ERCC2: variants seen among roughly 807,000 people sequenced by gnomAD.
ERCC2 encodes the protein ERCC excision repair 2, TFIIH core complex helicase subunit, also known as general transcription and DNA repair factor IIH helicase subunit XPD.
In ERCC2, 90 loss-of-function variants were observed where a neutral mutation model predicts 99.4. That is an observed-to-expected ratio of 0.91 (90% CI 0.76 to 1.08). ERCC2 has a LOEUF of 1.08. Among genes scored for constraint, ERCC2 ranks in the 50% least tolerant of loss-of-function variants. The pLI, the probability that ERCC2 is intolerant of heterozygous loss-of-function variation, is 0.00. For missense variants in ERCC2, 993 were observed against 1,038.1 expected, an observed-to-expected ratio of 0.96 and a Z score of 0.60; for synonymous variants, 497 against 432.4, an observed-to-expected ratio of 1.15 and a Z score of -1.85.
chr19:45,367,429 ATATG>A (rs751791345), intron 5 of ERCC2, among the ~76,000 whole-genome samples: 12 of 152,168 alleles, frequency 7.9e-5, no homozygotes, highest in African/African-American at 2.4e-4. Context: ...ACACACATAT[ATATG>A]TAAGTATAAT....
At chr19:45,367,317 AGAGT>A (rs1972454358) in intron 5 of ERCC2, among the ~76,000 whole-genome samples, 1 of 151,996 alleles carries the variant, frequency 6.6e-6, no homozygotes, top group South Asian at 2.1e-4. Flanking sequence ...GCTGGGTGAC[AGAGT>A]GAGACTCCGT....
chr19:45,355,619 C>T (rs752951313), intron 16 of ERCC2, 46 bp downstream of exon 16: 2 of 1,522,326 alleles, frequency 1.3e-6, no homozygotes, highest in African/African-American at 2.7e-5. Context: ...GACTGATACA[C>T]CTCCCCTCTT....
At chr19:45,357,888 T>C (rs1274114052) in intron 12 of ERCC2, 189 bp from the exon 13 acceptor site, 2 of 642,454 alleles carry the variant, frequency 3.1e-6, no homozygotes, top group South Asian at 3.5e-5. Flanking sequence ...CACCCCAACC[T>C]GTCCGCTTCG....
In ERCC2 at chr19:45,351,094, G is replaced by C. The variant is rs752696030; in HGVS notation, c.*535C>G. 2 of 1,611,068 alleles carry C rather than the reference G, an allele frequency of 1.2e-6. No homozygotes were observed. Among genetic ancestry groups the C allele is most frequent in the Admixed American group, 1.7e-5 (1 of 59,642 alleles). The stretch of plus-strand genomic sequence containing the variant: ...GAGATGAGGCAAAGGCAGGGCGGTC[G>C]GGCCAGTGGTGGAGTCAGCAGGTGG... On this transcript the variant is annotated 3_prime_UTR_variant, in exon 23 of 23. Coordinates refer to ENST00000391945, the MANE Select transcript of ERCC2 (RefSeq NM_000400.4).
chr19:45,368,923 A>C lies in ERCC2; in HGVS notation c.246+7T>G. 6.2e-7 allele frequency: 1 copy of C among 1,614,162 alleles called. No individual in the cohort carries two copies. Among genetic ancestry groups the C allele is most frequent in the Non-Finnish European group, 8.5e-7 (1 of 1,179,976 alleles). On this transcript the variant is annotated splice_region_variant and intron_variant, in intron 4 of 22. Transcript: ENST00000391945. ...GGGCTGGAGCACCAGGATGAGTCCC[A>C]GCTTACCTTCTCAATCTCTGGCACA...
At position 45,351,569 on chromosome 19, in the gene ERCC2, A is replaced by C. The variant is rs1401982648; in HGVS notation, c.*60T>G. The C allele has an allele frequency of 6.2e-7, 1 of 1,610,354 alleles. No homozygotes were observed. Among genetic ancestry groups the C allele is most frequent in the South Asian group, 1.1e-5 (1 of 91,066 alleles). On this transcript the variant is annotated 3_prime_UTR_variant, in exon 23 of 23. Coordinates refer to ENST00000391945, the MANE Select transcript of ERCC2 (RefSeq NM_000400.4). ...CCTTCTAGCACCACCGCCGCTGGGA[A>C]CCAGGGCCAGGCAAGACTCAGGAGT...
chr19:45,352,420 A>C, intron 21 of ERCC2, 68 bp from the exon 22 acceptor site: 1 of 1,613,772 alleles, frequency 6.2e-7, no homozygotes. Flanking sequence ...TCCACCCTGC[A>C]ACCCACCCCA....
rs535325544 is a variant in ERCC2 at position 45,359,824 on chromosome 19, A to G, written c.1237+1700T>C. Among the ~76,000 whole-genome samples, 14 of 151,190 alleles carry G rather than the reference A, an allele frequency of 9.3e-5. No individual in the cohort carries two copies. In the South Asian group the frequency reaches 2.7e-3, roughly 29 times the overall value. ...AGACTCTCATTTTCACCCAGGCTGG[A>G]GTGCAGCTGGTGTGATCTCGGCTCA... On this transcript the variant is annotated intron_variant, in intron 12 of 22. Coordinates refer to ENST00000391945, the MANE Select transcript of ERCC2 (RefSeq NM_000400.4).
chr19:45,366,105 G>A (rs189534255), intron 5 of ERCC2, among the ~76,000 whole-genome samples: 2 of 152,042 alleles, frequency 1.3e-5, no homozygotes, highest in Non-Finnish European at 2.9e-5. Flanking sequence ...CCAAAGTGCT[G>A]GGATTACAGG....
At chr19:45,363,679 G>A (rs1247421389) in intron 11 of ERCC2, 64 bp downstream of exon 11, 3 of 1,485,630 alleles carry the variant, frequency 2.0e-6, no homozygotes, top group East Asian at 2.5e-5. Flanking sequence ...CAGGCGTGGA[G>A]GACACGGCTC....
intron 13 of ERCC2, 40 bp from the exon 14 acceptor site, chr19:45,357,583 G>T: frequency 1.9e-6 from 3 of 1,613,204 alleles, no homozygotes; most frequent in Non-Finnish European, 2.5e-6. Context: ...GGGGGGCTGG[G>T]CCCCCGACCC....
rs1037717813 is a variant in ERCC2, at chr19:45,351,454, T to A, written c.*175A>T. The stretch of plus-strand genomic sequence containing the variant: ...GGGTCTATCATCTCCTGGCCCCCCC[T>A]TGCCTCTGGGTACCTGGTGGATAGC... On this transcript the variant is annotated 3_prime_UTR_variant, in exon 23 of 23. Transcript: ENST00000391945. The A allele has an allele frequency of 1.4e-5, 22 of 1,583,034 alleles. 1 individual carries two copies. The South Asian group carries it at 2.1e-4, about 15-fold the overall frequency.
rs770807976 is a variant in ERCC2, at chr19:45,352,253, C to T, written c.2146G>A (p.Val716Met). Reference sequence around the variant, plus strand: ...ATCTGCCGCAGGAAGTACTTGGCCACCTGGACACCCTCGTCCACGGTCAGG... The same window carrying T: ...ATCTGCCGCAGGAAGTACTTGGCCATCTGGACACCCTCGTCCACGGTCAGG... ...LNLTVDEGVQ[V>M]AKYFLRQMAQ... is the part of the protein sequence containing the mutation. Residue 716 changes from valine to methionine, a missense_variant, in exon 22 of 23, where the codon GTG becomes ATG. Physicochemically the swap from Val to Met is conservative, Grantham distance 21 (BLOSUM62 1). Coordinates refer to ENST00000391945, the MANE Select transcript of ERCC2 (RefSeq NM_000400.4). 1.9e-6 allele frequency: 3 copies of T among 1,614,070 alleles called. No homozygotes were observed. Among genetic ancestry groups the T allele is most frequent in the East Asian group, 4.5e-5 (2 of 44,890 alleles).
At position 45,351,584 on chromosome 19, in the gene ERCC2, G is replaced by C. The variant is rs1268556601; in HGVS notation, c.*45C>G. ...GCCGCTGGGAACCAGGGCCAGGCAA[G>C]ACTCAGGAGTCACCAGGAACCGTTT... is the stretch of plus-strand genomic sequence containing the variant. On this transcript the variant is annotated 3_prime_UTR_variant, in exon 23 of 23. Coordinates refer to ENST00000391945, the MANE Select transcript of ERCC2 (RefSeq NM_000400.4). 6.2e-7 allele frequency: 1 copy of C among 1,611,858 alleles called. No homozygotes were observed. Among genetic ancestry groups the C allele is most frequent in the East Asian group, 2.2e-5 (1 of 44,882 alleles).
rs1294212041 is a variant in ERCC2, at chr19:45,351,168, C to T, written c.*461G>A. 12 of 1,587,938 alleles carry T rather than the reference C, an allele frequency of 7.6e-6. No homozygotes were observed. Among genetic ancestry groups the T allele is most frequent in the African/African-American group, 2.7e-5 (2 of 74,424 alleles). ...AGGACAGGAGCAAAGATGGGTTTTACTTGGGGTAGAGGCGAGGGGGTTGGA... is the reference window on the plus strand; with the variant it reads ...AGGACAGGAGCAAAGATGGGTTTTATTTGGGGTAGAGGCGAGGGGGTTGGA... On this transcript the variant is annotated 3_prime_UTR_variant, in exon 23 of 23. Transcript: ENST00000391945.
chr19:45,361,723 G>T, intron 11 of ERCC2, 81 bp from the exon 12 acceptor site: 1 of 1,050,074 alleles, frequency 9.5e-7, no homozygotes, highest in Non-Finnish European at 1.5e-6. Flanking sequence ...CATCACGACG[G>T]TCACGTGCCT....
Position 45,351,446 on chromosome 19 carries a change from GCC to G in ERCC2, c.*181_*182del, listed in dbSNP as rs894183102. 14 of 1,582,418 alleles carry G rather than the reference GCC, an allele frequency of 8.8e-6. 1 individual carries two copies. In the South Asian group the frequency reaches 1.3e-4, roughly 15 times the overall value. Reference sequence around the variant, plus strand: ...GTGAGAGGGGGTCTATCATCTCCTGGCCCCCCCTTGCCTCTGGGTACCTGGTG... The same window carrying G: ...GTGAGAGGGGGTCTATCATCTCCTGGCCCCCTTGCCTCTGGGTACCTGGTG... On this transcript the variant is annotated 3_prime_UTR_variant, in exon 23 of 23. Transcript: ENST00000391945.
At chr19:45,352,071 T>G (rs931888678) in intron 22 of ERCC2, 138 bp downstream of exon 22, 1 of 1,038,890 alleles carries the variant, frequency 9.6e-7, no homozygotes. Flanking sequence ...GCCTGGCACG[T>G]AGATGCACGA....
At chr19:45,351,896 A>AGG (rs1440801425) in intron 22 of ERCC2, among the ~76,000 whole-genome samples, 175 bp from the exon 23 acceptor site, 1 of 152,192 alleles carries the variant, frequency 6.6e-6, no homozygotes, top group Non-Finnish European at 1.5e-5. Context: ...GATGGGGCTG[A>AGG]GGGAGGAGCC....
Sources: allele counts gnomAD v4.1 joint callset (sites outside exome capture counted in the v4.1 genomes callset), GRCh38; gene constraint gnomAD v4.1.1; transcripts MANE v1.5; gene names NCBI Gene and HGNC (gene_info 2026-07-23, HGNC 2026-07-21).